CEP63: variants seen among roughly 807,000 people sequenced by gnomAD.
The protein encoded by CEP63 is centrosomal protein 63, also known as centrosomal protein of 63 kDa.
In CEP63, 84 loss-of-function variants were observed where a neutral mutation model predicts 89.1. The observed-to-expected ratio is 0.94, with a 90% CI of 0.79 to 1.13. The LOEUF is 1.13. Among genes scored for constraint, CEP63 ranks in the 50% most tolerant of loss-of-function variants. The probability of loss-of-function intolerance (pLI) is 0.00; values close to 1 mark genes in which losing one functional copy is unlikely to be tolerated. For synonymous variants in CEP63, 267 were observed against 272.5 expected (o/e 0.98, Z 0.20); for missense variants, 838 against 813.3 (o/e 1.03, Z -0.37).
At chr3:134,494,887 C>G (rs542450559) in intron 1 of CEP63, among the ~76,000 whole-genome samples, 108 of 152,236 alleles carry the variant, frequency 7.1e-4, no homozygotes, top group Middle Eastern at 3.4e-3. Context: ...ATTTTTTATA[C>G]TATCTCTTTA....
At chr3:134,706,384 C>T in the CEP63 span, among the ~76,000 whole-genome samples, 8 of 152,284 alleles carry the variant, frequency 5.3e-5, no homozygotes, top group African/African-American at 1.7e-4. Flanking sequence ...TCAGTTTCCT[C>T]TCCTACAAAA....
the CEP63 span, among the ~76,000 whole-genome samples, chr3:134,749,354 C>T: frequency 2.0e-5 from 3 of 152,006 alleles, no homozygotes; most frequent in East Asian, 1.9e-4. Flanking sequence ...GGGAACTGCT[C>T]GGATTTTGGC....
the CEP63 span, among the ~76,000 whole-genome samples, chr3:134,661,214 A>T: frequency 6.6e-6 from 1 of 152,174 alleles, no homozygotes; most frequent in African/African-American, 2.4e-5. Context: ...ATACTTGAGC[A>T]CCATGCTCTT....
chr3:134,627,635 CA>C, the CEP63 span: 1 of 819,812 alleles, frequency 1.2e-6, no homozygotes, highest in Non-Finnish European at 2.1e-6. Flanking sequence ...CTCCTGAACC[CA>C]AAGGTGGCCC....
chr3:134,725,440 A>G, the CEP63 span, among the ~76,000 whole-genome samples: 99 of 152,194 alleles, frequency 6.5e-4, no homozygotes, highest in African/African-American at 2.3e-3. Flanking sequence ...TCTCTTGAAA[A>G]GCCCTGCTCC....
At chr3:134,574,702 G>A in intron 11 of CEP63, 1 of 470,430 alleles carries the variant, frequency 2.1e-6, no homozygotes, top group Non-Finnish European at 3.8e-6. Flanking sequence ...CCACCTCCTG[G>A]GCTCAACTGA....
chr3:134,578,727 G>A (rs1958277871), downstream of CEP63, among the ~76,000 whole-genome samples: 1 of 152,120 alleles, frequency 6.6e-6, no homozygotes, highest in East Asian at 1.9e-4. Context: ...AGAAGTGTCT[G>A]TTCATATTCT....
chr3:134,498,741 A>G (rs980743647), intron 2 of CEP63, among the ~76,000 whole-genome samples: 1 of 152,038 alleles, frequency 6.6e-6, no homozygotes, highest in Non-Finnish European at 1.5e-5. Flanking sequence ...TCTATGCTTG[A>G]GAGTTTTTAT....
the CEP63 span, among the ~76,000 whole-genome samples, chr3:134,737,884 C>T: frequency 6.6e-6 from 1 of 152,134 alleles, no homozygotes; most frequent in Non-Finnish European, 1.5e-5. Context: ...CAAGTGGCCT[C>T]TCACTATGGT....
At chr3:134,537,647 T>C (rs990596144) in intron 6 of CEP63, among the ~76,000 whole-genome samples, 5 of 152,178 alleles carry the variant, frequency 3.3e-5, no homozygotes, top group Admixed American at 6.5e-5. Flanking sequence ...CTCCCCTCTC[T>C]TTCTTCCCTA....
At chr3:134,510,046 G>C (rs1944462638) in intron 3 of CEP63, among the ~76,000 whole-genome samples, 1 of 152,176 alleles carries the variant, frequency 6.6e-6, no homozygotes, top group Non-Finnish European at 1.5e-5. Flanking sequence ...GTGTTTTGGA[G>C]AGGGAGAGAA....
the CEP63 span, among the ~76,000 whole-genome samples, chr3:134,760,575 A>G: frequency 6.6e-6 from 1 of 152,204 alleles, no homozygotes; most frequent in Non-Finnish European, 1.5e-5. Context: ...AAGGGTTACC[A>G]TTTATTGAGC....
chr3:134,530,675 A>G (rs1352331422), intron 3 of CEP63, among the ~76,000 whole-genome samples: 1 of 152,148 alleles, frequency 6.6e-6, no homozygotes, highest in East Asian at 1.9e-4. Flanking sequence ...TACATCATTC[A>G]CTTACATCTT....
chr3:134,558,677 C>T (rs1032347045), intron 13 of CEP63, among the ~76,000 whole-genome samples: 3 of 152,162 alleles, frequency 2.0e-5, no homozygotes, highest in Non-Finnish European at 4.4e-5. Context: ...AAACAGCTTC[C>T]TTTGTCTTTT....
At chr3:134,728,518 C>T in the CEP63 span, among the ~76,000 whole-genome samples, 1 of 152,116 alleles carries the variant, frequency 6.6e-6, no homozygotes, top group Non-Finnish European at 1.5e-5. Context: ...TTAATTTGTG[C>T]ATTTATTAAA....
At chr3:134,636,659 G>T in the CEP63 span, among the ~76,000 whole-genome samples, 1 of 152,176 alleles carries the variant, frequency 6.6e-6, no homozygotes, top group African/African-American at 2.4e-5. Flanking sequence ...GCTCCAATGA[G>T]AATTTCTAGC....
chr3:134,545,088 G>A (rs572895233), intron 6 of CEP63, among the ~76,000 whole-genome samples: 125 of 152,232 alleles, frequency 8.2e-4, no homozygotes, highest in African/African-American at 3.0e-3. Context: ...CCAACTCCCT[G>A]GTTCAAGTGA....
chr3:134,773,204 G>A, the CEP63 span, among the ~76,000 whole-genome samples: 1 of 152,268 alleles, frequency 6.6e-6, no homozygotes, highest in East Asian at 1.9e-4. Context: ...GCAAGATCCT[G>A]CTTCTATTTG....
the CEP63 span, among the ~76,000 whole-genome samples, chr3:134,693,868 G>A: frequency 6.6e-6 from 1 of 152,204 alleles, no homozygotes; most frequent in African/African-American, 2.4e-5. Flanking sequence ...CTGGTATTGA[G>A]TTCAGGGTCC....
Sources: gnomAD v4.1 joint callset for allele counts (sites outside exome capture counted in the v4.1 genomes callset) on GRCh38, gnomAD v4.1.1 for gene constraint, MANE v1.5 for transcripts, NCBI Gene and HGNC (gene_info 2026-07-23, HGNC 2026-07-21) for gene names.